The following IREB2 variants were observed in gnomAD, a reference collection of about 807,000 sequenced individuals.
IREB2 encodes the protein iron responsive element binding protein 2.
IREB2 carries 39 observed loss-of-function variants against 118.8 expected under a neutral mutation model. The observed-to-expected ratio is 0.33, with a 90% CI of 0.25 to 0.43. The LOEUF (loss-of-function observed/expected upper bound fraction) is 0.43, where lower values mean the gene tolerates loss of function less well. IREB2 is among the 20% of genes least tolerant of loss of function. The pLI is 1.00. For missense variants in IREB2, 900 were observed against 1,147.3 expected (o/e 0.78, Z 3.11); for synonymous variants, 372 against 392.2 (o/e 0.95, Z 0.61).
At chr15:78,490,251 A>C (rs923350634) in intron 16 of IREB2, among the ~76,000 whole-genome samples, 171 bp from the exon 17 acceptor site, 1 of 152,190 alleles carries the variant, frequency 6.6e-6, no homozygotes, top group Non-Finnish European at 1.5e-5. Flanking sequence ...AAATTTTTTA[A>C]AAAAAAGAAA....
rs764998193 is a variant in IREB2 at position 78,484,808 on chromosome 15, T to G, written c.1461T>G (p.Ile487Met). ...TTGCAGCTGAAAAACAAAAGGATATTGTCTCCATTCATTATGAAGGAAGTG... is the reference window on the plus strand; with the variant it reads ...TTGCAGCTGAAAAACAAAAGGATATGGTCTCCATTCATTATGAAGGAAGTG... ...FQIAAEKQKD[I>M]VSIHYEGSEY... The change falls in exon 12 of 22, where the codon ATT becomes ATG. Residue 487 changes from isoleucine (I) to methionine (M), a missense_variant. Coordinates refer to ENST00000258886, the MANE Select transcript of IREB2 (RefSeq NM_004136.4). 3.7e-6 allele frequency: 6 copies of G among 1,613,572 alleles called. No homozygotes were observed. Among genetic ancestry groups the G allele is most frequent in the Non-Finnish European group, 5.1e-6 (6 of 1,179,764 alleles).
intron 2 of IREB2, among the ~76,000 whole-genome samples, chr15:78,459,288 T>C (rs1380153405): frequency 2.0e-5 from 3 of 152,190 alleles, no homozygotes; most frequent in Non-Finnish European, 4.4e-5. Context: ...GCCATTGTTA[T>C]ACCTAACAAA....
chr15:78,494,900 TG>T (rs1264793472), intron 20 of IREB2, among the ~76,000 whole-genome samples: 2 of 152,206 alleles, frequency 1.3e-5, no homozygotes, highest in Non-Finnish European at 2.9e-5. Flanking sequence ...TGCCTCCTTT[TG>T]ATTTAATTTT....
chr15:78,442,434 C>T (rs538366820), intron 2 of IREB2, among the ~76,000 whole-genome samples: 1 of 152,290 alleles, frequency 6.6e-6, no homozygotes, highest in East Asian at 1.9e-4. Context: ...TTGGTAGTCA[C>T]CAAGGTACAG....
At chr15:78,437,989 G>T (rs1296596111), upstream of IREB2, among the ~76,000 whole-genome samples, 1 of 152,240 alleles carries the variant, frequency 6.6e-6, no homozygotes, top group Non-Finnish European at 1.5e-5. Flanking sequence ...CTAAGTAACG[G>T]ATCGCTGCGA....
At chr15:78,452,695 C>T (rs2051045582) in intron 2 of IREB2, among the ~76,000 whole-genome samples, 1 of 151,888 alleles carries the variant, frequency 6.6e-6, no homozygotes, top group African/African-American at 2.4e-5. Flanking sequence ...TCTCTTGAGC[C>T]CAGGAGTTCG....
chr15:78,479,918 C>CT (rs1555408639), intron 10 of IREB2: 6 of 88,248 alleles, frequency 6.8e-5, no homozygotes, highest in African/African-American at 2.6e-4. Context: ...GAGACAGTGT[C>CT]TAAAAAAAAA....
intron 4 of IREB2, 104 bp downstream of exon 4, chr15:78,465,492 T>C (rs2051267043): frequency 2.6e-6 from 3 of 1,132,510 alleles, no homozygotes; most frequent in Middle Eastern, 2.4e-4. Context: ...GAGAAAAGTA[T>C]GCTAAATTTA....
At chr15:78,460,462 T>C (rs1314556153) in intron 2 of IREB2, among the ~76,000 whole-genome samples, 1 of 152,186 alleles carries the variant, frequency 6.6e-6, no homozygotes, top group Admixed American at 6.5e-5. Context: ...TTTGATGTAT[T>C]TTGGTGAATT....
chr15:78,451,950 A>G (rs2656072), intron 2 of IREB2, among the ~76,000 whole-genome samples: 116,663 of 152,030 alleles, frequency 0.77, 44,976 homozygotes, highest in African/African-American at 0.81. Flanking sequence ...GGAGTGAGCC[A>G]CCACACCTGG....
intron 21 of IREB2, among the ~76,000 whole-genome samples, chr15:78,497,763 G>A (rs1365652439): frequency 2.0e-5 from 3 of 152,184 alleles, no homozygotes; most frequent in South Asian, 4.1e-4. Context: ...ATGAATGTGA[G>A]TAGTGAGTAT....
At chr15:78,444,663 G>A (rs1391477107) in intron 2 of IREB2, among the ~76,000 whole-genome samples, 1 of 152,118 alleles carries the variant, frequency 6.6e-6, no homozygotes, top group African/African-American at 2.4e-5. Flanking sequence ...GAACATTGCA[G>A]ATGGTACAGA....
chr15:78,466,453 C>T lies in IREB2; in HGVS notation c.593C>T (p.Pro198Leu), dbSNP rs1276578339. 5.0e-6 allele frequency: 8 copies of T among 1,613,946 alleles called. No individual in the cohort carries two copies. The highest frequency in any genetic ancestry group is 5.1e-6 in the Non-Finnish European group (6 of 1,179,890). The change falls in exon 5 of 22, where the codon CCC (proline) becomes CTC (leucine). Residue 198 changes from proline to leucine, a missense_variant. By Grantham distance (98) the Pro-to-Leu change is moderately conservative. Transcript: ENST00000258886. Reference protein sequence around the residue: ...GTFSSQIENTPILCPFHLQPV... With the variant: ...GTFSSQIENTLILCPFHLQPV... The stretch of plus-strand genomic sequence containing the variant: ...TTTTCTTCGCAGATTGAGAATACAC[C>T]CATCCTGTGTCCTTTTCATTTGCAA...
chr15:78,448,715 C>T (rs1352666227), intron 2 of IREB2, among the ~76,000 whole-genome samples: 1 of 152,194 alleles, frequency 6.6e-6, no homozygotes, highest in Non-Finnish European at 1.5e-5. Flanking sequence ...GCAGGGTTAG[C>T]TTTACCCTGT....
rs1234068343 is a variant in IREB2, at chr15:78,488,628, G to A, written c.1952-19G>A. 1.3e-6 allele frequency: 2 copies of A among 1,581,864 alleles called. No homozygotes were observed. The highest frequency in any genetic ancestry group is 1.4e-5 in the African/African-American group (1 of 72,788). On this transcript the variant is annotated intron_variant, in intron 15 of 21. Coordinates refer to ENST00000258886, the MANE Select transcript of IREB2 (RefSeq NM_004136.4). ...GAGTTATTTTTTTACTGAGTATCATGTTCAAAAATTTTAACCAGGTACTGA... is the reference window on the plus strand; with the variant it reads ...GAGTTATTTTTTTACTGAGTATCATATTCAAAAATTTTAACCAGGTACTGA...
intron 21 of IREB2, 157 bp downstream of exon 21, chr15:78,497,468 T>A: frequency 1.6e-6 from 1 of 620,884 alleles, no homozygotes; most frequent in Non-Finnish European, 2.8e-6. Flanking sequence ...TCTAGCTATG[T>A]TAATAGTTCA....
chr15:78,479,723 C>G (rs1448356927), intron 10 of IREB2, among the ~76,000 whole-genome samples: 1 of 152,076 alleles, frequency 6.6e-6, no homozygotes, highest in African/African-American at 2.4e-5. Context: ...ATTATGCAGT[C>G]TTACTTGTTA....
chr15:78,472,052 C>T, intron 7 of IREB2, 128 bp downstream of exon 7: 1 of 612,272 alleles, frequency 1.6e-6, no homozygotes, highest in Non-Finnish European at 2.6e-6. Flanking sequence ...GTAATAACAG[C>T]AGCAACAACA....
intron 11 of IREB2, among the ~76,000 whole-genome samples, chr15:78,483,872 C>T (rs1429712253): frequency 3.3e-5 from 5 of 151,918 alleles, no homozygotes; most frequent in African/African-American, 9.7e-5. Context: ...CAACCTCCCC[C>T]CTCCCGGGCT....
Sources: gnomAD v4.1 joint callset for allele counts (sites outside exome capture counted in the v4.1 genomes callset) on GRCh38, gnomAD v4.1.1 for gene constraint, MANE v1.5 for transcripts, NCBI Gene and HGNC (gene_info 2026-07-23, HGNC 2026-07-21) for gene names.